The following CDH13 variants were observed in gnomAD, a reference collection of about 807,000 sequenced individuals.
The protein encoded by CDH13 is cadherin-13.
CDH13 carries 24 observed loss-of-function variants against 63.8 expected under a neutral mutation model. That is an observed-to-expected ratio of 0.38 (90% confidence interval 0.27 to 0.53). The LOEUF (loss-of-function observed/expected upper bound fraction) is 0.53. Among genes scored for constraint, CDH13 ranks in the 20% least tolerant of loss-of-function variants. The pLI, the probability that CDH13 is intolerant of heterozygous loss-of-function variation, is 0.85. For missense variants in CDH13, 1,049 were observed against 903.1 expected (o/e 1.16, Z -2.07); for synonymous variants, 503 against 355.3 (o/e 1.42, Z -4.67).
intron 4 of CDH13, among the ~76,000 whole-genome samples, chr16:83,189,220 C>T (rs111469043): frequency 0.012 from 1,872 of 152,248 alleles, 28 homozygotes; most frequent in African/African-American, 0.042. Flanking sequence ...TAGATTTCCG[C>T]CGTCTGTGTT....
At chr16:82,724,888 C>A (rs1185583268) in intron 1 of CDH13, among the ~76,000 whole-genome samples, 2 of 152,120 alleles carry the variant, frequency 1.3e-5, no homozygotes, top group Non-Finnish European at 2.9e-5. Flanking sequence ...GCTGGGTCAG[C>A]CATTCTCTCT....
At chr16:83,066,892 A>G (rs2032058780) in intron 3 of CDH13, among the ~76,000 whole-genome samples, 1 of 152,184 alleles carries the variant, frequency 6.6e-6, no homozygotes, top group Admixed American at 6.5e-5. Flanking sequence ...GAGTGCTTAA[A>G]GGCACTGGAC....
chr16:83,100,042 G>A (rs574103651), intron 3 of CDH13, among the ~76,000 whole-genome samples: 3 of 152,058 alleles, frequency 2.0e-5, no homozygotes, highest in Admixed American at 6.6e-5. Flanking sequence ...TTAGCATCTC[G>A]ATGGGTTTCA....
At chr16:82,919,739 C>T (rs899866260) in intron 2 of CDH13, among the ~76,000 whole-genome samples, 5 of 152,182 alleles carry the variant, frequency 3.3e-5, no homozygotes, top group African/African-American at 7.2e-5. Context: ...GAACTTAAGC[C>T]GCGGTATAAT....
At chr16:82,918,942 A>G (rs1175118250) in intron 2 of CDH13, among the ~76,000 whole-genome samples, 1 of 152,218 alleles carries the variant, frequency 6.6e-6, no homozygotes, top group Admixed American at 6.5e-5. Flanking sequence ...CATTTTTATC[A>G]ACCAAATTTT....
chr16:83,126,888 A>G (rs1378596589), intron 4 of CDH13, among the ~76,000 whole-genome samples: 1 of 152,204 alleles, frequency 6.6e-6, no homozygotes, highest in Non-Finnish European at 1.5e-5. Flanking sequence ...AGAAACAAGA[A>G]CATTGCAGAG....
At chr16:83,516,852 T>C (rs1306627587) in intron 7 of CDH13, among the ~76,000 whole-genome samples, 1 of 152,350 alleles carries the variant, frequency 6.6e-6, no homozygotes, top group South Asian at 2.1e-4. Context: ...GATTCCCACC[T>C]TGTTGGGGAA....
intron 9 of CDH13, among the ~76,000 whole-genome samples, chr16:83,676,622 C>G (rs1052483050): frequency 6.6e-6 from 1 of 152,242 alleles, no homozygotes; most frequent in Non-Finnish European, 1.5e-5. Context: ...CGACACATCA[C>G]TGTGCAGCCA....
chr16:83,200,241 AGCTTAGCACCGTCG>A (rs1300258024), intron 4 of CDH13, among the ~76,000 whole-genome samples: 1 of 152,116 alleles, frequency 6.6e-6, no homozygotes, highest in African/African-American at 2.4e-5. Context: ...TCACCAGATG[AGCTTAGCACCGTCG>A]GCCAAGTTTT....
chr16:83,198,065 A>G (rs2151762599), intron 4 of CDH13, among the ~76,000 whole-genome samples: 1 of 152,256 alleles, frequency 6.6e-6, no homozygotes, highest in South Asian at 2.1e-4. Context: ...ATTTATCGAC[A>G]TTTTAGTATA....
At chr16:83,669,178 A>G (rs1345232309) in intron 8 of CDH13, among the ~76,000 whole-genome samples, 1 of 152,162 alleles carries the variant, frequency 6.6e-6, no homozygotes, top group African/African-American at 2.4e-5. Flanking sequence ...AGAAGACCAG[A>G]GATGGACTGA....
At chr16:83,464,873 C>T (rs1367087810) in intron 6 of CDH13, among the ~76,000 whole-genome samples, 2 of 152,146 alleles carry the variant, frequency 1.3e-5, no homozygotes, top group Non-Finnish European at 2.9e-5. Flanking sequence ...GAACGCCTGA[C>T]CTCAAGTGAT....
chr16:83,076,077 A>G (rs1161799830), intron 3 of CDH13, among the ~76,000 whole-genome samples: 2 of 152,332 alleles, frequency 1.3e-5, no homozygotes, highest in East Asian at 3.9e-4. Flanking sequence ...CTGATTCCAG[A>G]CATCCTGCCT....
intron 5 of CDH13, among the ~76,000 whole-genome samples, chr16:83,225,132 C>G (rs1296158819): frequency 6.6e-6 from 1 of 152,132 alleles, no homozygotes; most frequent in African/African-American, 2.4e-5. Flanking sequence ...TGGGTTTTAG[C>G]CAGCCCACCA....
chr16:83,151,803 A>G (rs116675799), intron 4 of CDH13, among the ~76,000 whole-genome samples: 3,796 of 152,288 alleles, frequency 0.025, 142 homozygotes, highest in African/African-American at 0.085. Context: ...TCTCTCCTAA[A>G]AATACAAATT....
At chr16:83,099,293 T>C (rs369073306) in intron 3 of CDH13, among the ~76,000 whole-genome samples, 70 of 152,222 alleles carry the variant, frequency 4.6e-4, no homozygotes, top group African/African-American at 1.6e-3. Flanking sequence ...CTAAAAACAA[T>C]TCTATGATGT....
At chr16:83,373,134 G>A (rs933100497) in intron 6 of CDH13, among the ~76,000 whole-genome samples, 35 of 152,176 alleles carry the variant, frequency 2.3e-4, no homozygotes, top group African/African-American at 8.2e-4. Flanking sequence ...ATAATATTGA[G>A]CAAATGTTTA....
intron 1 of CDH13, among the ~76,000 whole-genome samples, chr16:82,676,655 T>C (rs111687803): frequency 5.6e-4 from 85 of 152,236 alleles, no homozygotes; most frequent in African/African-American, 1.8e-3. Context: ...TCAAAATCCT[T>C]CAGTGGCCTG....
At chr16:83,276,914 G>T (rs1458268780) in intron 5 of CDH13, among the ~76,000 whole-genome samples, 1 of 152,102 alleles carries the variant, frequency 6.6e-6, no homozygotes, top group Admixed American at 6.5e-5. Context: ...GTAGATGTTG[G>T]CAGGCAGAGA....
Sources: allele counts gnomAD v4.1 joint callset (sites outside exome capture counted in the v4.1 genomes callset), GRCh38; gene constraint gnomAD v4.1.1; transcripts MANE v1.5; gene names NCBI Gene and HGNC (gene_info 2026-07-23, HGNC 2026-07-21).